Variants in RTL9 observed in about 807,000 individuals in gnomAD.
RTL9 encodes the protein retrotransposon Gag like 9, also known as retrotransposon Gag-like protein 9.
Under a neutral mutation model 44.7 loss-of-function variants are expected in RTL9, and 19 were observed. The ratio of observed to expected loss-of-function variants is 0.42; its 90% CI spans 0.30 to 0.62. The LOEUF is 0.62. Ranked by LOEUF, RTL9 falls within the 20% of genes least tolerant of loss-of-function variation. RTL9 has a pLI of 0.16. For synonymous variants in RTL9, 407 were observed against 398.9 expected (o/e 1.02, Z -0.24); for missense variants, 1,105 against 1,080.6 (o/e 1.02, Z -0.32).
chrX:110,434,427 C>T (rs1043486971), intron 1 of RTL9, among the ~76,000 whole-genome samples: 1 of 111,405 alleles, frequency 9.0e-6, no homozygotes, highest in African/African-American at 3.3e-5. Context: ...TCTCCAGGGT[C>T]TGGGCAAGAA....
intron 1 of RTL9, among the ~76,000 whole-genome samples, chrX:110,398,565 G>A (rs1222457252): frequency 2.7e-5 from 3 of 112,266 alleles, no homozygotes; most frequent in African/African-American, 9.7e-5. Context: ...TACAAATGAT[G>A]AAACTGGGGC....
chrX:110,441,290 A>G (rs914258395), intron 1 of RTL9, among the ~76,000 whole-genome samples: 5 of 112,159 alleles, frequency 4.5e-5, no homozygotes, highest in African/African-American at 1.6e-4. Context: ...ACTCTCAGTA[A>G]GTGGTGACAT....
intron 1 of RTL9, among the ~76,000 whole-genome samples, chrX:110,423,057 G>A (rs1007388215): frequency 8.9e-6 from 1 of 112,228 alleles, no homozygotes; most frequent in Non-Finnish European, 1.9e-5. Flanking sequence ...GCCGGGCGCG[G>A]TGTCTCATGC....
At chrX:110,450,657 A>G (rs2068933404) in exon 1 of RTL9, 1 of 1,210,964 alleles carries the variant, frequency 8.3e-7, no homozygotes, top group Non-Finnish European at 1.1e-6. Context: ...CAACAATACA[A>G]TGAGGGAGGA....
At chrX:110,453,067 C>T (rs2068955674) in exon 1 of RTL9, 1 of 1,211,331 alleles carries the variant, frequency 8.3e-7, no homozygotes, top group Non-Finnish European at 1.1e-6. Flanking sequence ...GCTTATGGAG[C>T]CATGTCTGCT....
At chrX:110,369,160 G>A (rs190116417) in intron 1 of RTL9, among the ~76,000 whole-genome samples, 28 of 110,856 alleles carry the variant, frequency 2.5e-4, no homozygotes, top group African/African-American at 6.2e-4. Flanking sequence ...GTGAAACCCC[G>A]TCTCTACTAA....
chrX:110,382,005 A>G (rs1227670941), intron 1 of RTL9, among the ~76,000 whole-genome samples: 2 of 111,407 alleles, frequency 1.8e-5, no homozygotes, highest in Non-Finnish European at 3.8e-5. Flanking sequence ...TGAATCTAAA[A>G]TAAAAATTAA....
intron 1 of RTL9, among the ~76,000 whole-genome samples, chrX:110,375,923 TG>T (rs2068373488): frequency 9.0e-6 from 1 of 111,659 alleles, no homozygotes; most frequent in Admixed American, 9.5e-5. Flanking sequence ...CTAATATTGA[TG>T]TCAGTTATAG....
At position 110,454,479 on chromosome X, in the gene RTL9, C is replaced by A. The variant is rs1446494457; in HGVS notation, c.3862C>A (p.Arg1288=). 2.5e-6 allele frequency: 3 copies of A among 1,211,739 alleles called. No homozygotes were observed. The Admixed American group carries it at 6.5e-5, about 26-fold the overall frequency. The change falls in exon 1 of 2, where the codon CGG becomes AGG. Residue 1288 remains arginine, a synonymous_variant. Transcript: ENST00000540313. The stretch of plus-strand genomic sequence containing the variant: ...AGAAGCTGTTACCACCAAAATGGGT[C>A]GGATCTTCCTGAAGGTGGCTGGCAG...
chrX:110,422,687 T>C (rs1445599962), intron 1 of RTL9, among the ~76,000 whole-genome samples: 1 of 112,299 alleles, frequency 8.9e-6, no homozygotes, highest in Admixed American at 9.4e-5. Flanking sequence ...GTTGGGTCTC[T>C]TGTAGGGACT....
upstream of RTL9, among the ~76,000 whole-genome samples, chrX:110,446,414 C>T (rs1569432148): frequency 2.7e-5 from 3 of 109,257 alleles, no homozygotes; most frequent in South Asian, 4.0e-4. Flanking sequence ...TTGCTTGGGT[C>T]GGGGGGTGGA....
chrX:110,402,391 A>T lies in RTL9; in HGVS notation c.-167-42762A>T, dbSNP rs2068571235. On this transcript the variant is annotated intron_variant, in intron 1 of 2. Coordinates refer to the RTL9 transcript ENST00000520821. ...GTTGCCTTGGTAAGGCAGGGTTATT[A>T]TTTATATCTGAGTGCAAATTCCTTG... Among the ~76,000 whole-genome samples, 9 of 112,904 alleles carry T rather than the reference A, an allele frequency of 8.0e-5. 1 individual carries two copies. The highest frequency in any genetic ancestry group is 3.7e-4 in the Admixed American group (4 of 10,716).
chrX:110,365,778 C>A (rs1227797393), intron 1 of RTL9, among the ~76,000 whole-genome samples: 1 of 111,817 alleles, frequency 8.9e-6, no homozygotes, highest in Non-Finnish European at 1.9e-5. Flanking sequence ...ATAATATATA[C>A]CTTCTCACAA....
At chrX:110,454,233 G>A in exon 1 of RTL9, 1 of 1,211,853 alleles carries the variant, frequency 8.3e-7, no homozygotes, top group Non-Finnish European at 1.1e-6. Flanking sequence ...CTTGCAAATG[G>A]AGGTAGGAGA....
intron 1 of RTL9, among the ~76,000 whole-genome samples, chrX:110,368,896 C>G (rs2068316777): frequency 8.9e-6 from 1 of 111,890 alleles, no homozygotes; most frequent in South Asian, 3.8e-4. Context: ...TATCCTTCAT[C>G]ATCTGCAGCA....
Position 110,420,913 on chromosome X carries a change from C to T in RTL9, c.-168+1778C>T, listed in dbSNP as rs149692026. Among the ~76,000 whole-genome samples, 693 of 111,772 alleles carry T rather than the reference C, an allele frequency of 6.2e-3. 2 individuals carry two copies. Among genetic ancestry groups the T allele is most frequent in the Non-Finnish European group, 0.01 (558 of 53,165 alleles). On this transcript the variant is annotated intron_variant, in intron 1 of 3. Transcript: ENST00000465301. ...ACTGTGCCCCGTCCATCACACACAG[C>T]GCCCTGCACAACATACCCAGTCATT...
intron 1 of RTL9, among the ~76,000 whole-genome samples, chrX:110,390,570 C>T (rs968040650): frequency 1.8e-5 from 2 of 111,228 alleles, no homozygotes; most frequent in Non-Finnish European, 3.8e-5. Context: ...GGACTCTCCA[C>T]TACTGTAGAT....
chrX:110,402,538 G>A (rs1268461963), intron 1 of RTL9, among the ~76,000 whole-genome samples: 1 of 112,740 alleles, frequency 8.9e-6, no homozygotes, highest in South Asian at 3.7e-4. Context: ...AGCTGACTGA[G>A]AGCTGTGTCC....
chrX:110,371,215 C>T (rs973504044), intron 1 of RTL9, among the ~76,000 whole-genome samples: 2 of 110,303 alleles, frequency 1.8e-5, no homozygotes, highest in African/African-American at 3.3e-5. Context: ...TCTTTGTGTA[C>T]CCCCCGAGAC....
Sources: gnomAD v4.1 joint callset for allele counts (sites outside exome capture counted in the v4.1 genomes callset) on GRCh38, gnomAD v4.1.1 for gene constraint, MANE v1.5 for transcripts, NCBI Gene and HGNC (gene_info 2026-07-23, HGNC 2026-07-21) for gene names.